ACSS1: variants seen among roughly 807,000 people sequenced by gnomAD.
ACSS1 encodes acetyl-coenzyme A synthetase 2-like, mitochondrial.
In ACSS1, 42 loss-of-function variants were observed where a neutral mutation model predicts 75.3. The ratio of observed to expected loss-of-function variants is 0.56; its 90% CI spans 0.44 to 0.72. The LOEUF is 0.72. Ranked by LOEUF, ACSS1 falls within the 30% of genes least tolerant of loss-of-function variation. The pLI, the probability that ACSS1 is intolerant of heterozygous loss-of-function variation, is 0.00. For synonymous variants in ACSS1, 380 were observed against 376.8 expected, an observed-to-expected ratio of 1.01 and a Z score of -0.10; for missense variants, 782 against 935.7, an observed-to-expected ratio of 0.84 and a Z score of 2.14.
At chr20:25,027,779 C>CAAAA (rs78414153) in intron 3 of ACSS1, among the ~76,000 whole-genome samples, 1 of 75,336 alleles carries the variant, frequency 1.3e-5, no homozygotes, top group African/African-American at 5.0e-5. Flanking sequence ...AGTGATCAGG[C>CAAAA]AAAAAAAAAA....
intron 7 of ACSS1, among the ~76,000 whole-genome samples, chr20:25,018,906 C>T (rs989609942): frequency 2.6e-5 from 4 of 152,208 alleles, no homozygotes; most frequent in African/African-American, 9.7e-5. Context: ...TCACATCTGA[C>T]CCTCTGTGGC....
intron 2 of ACSS1, among the ~76,000 whole-genome samples, chr20:25,040,160 A>T (rs936448246): frequency 6.6e-6 from 1 of 152,142 alleles, no homozygotes; most frequent in Non-Finnish European, 1.5e-5. Flanking sequence ...TTAAAAAAAA[A>T]ACCACAGGAG....
intron 5 of ACSS1, among the ~76,000 whole-genome samples, chr20:25,021,956 G>C (rs968573487): frequency 6.6e-6 from 1 of 152,158 alleles, no homozygotes; most frequent in Non-Finnish European, 1.5e-5. Flanking sequence ...AGGGACAACA[G>C]GCACAACCCA....
intron 2 of ACSS1, among the ~76,000 whole-genome samples, chr20:25,031,945 A>G (rs1377276701): frequency 6.6e-6 from 1 of 152,222 alleles, no homozygotes; most frequent in African/African-American, 2.4e-5. Context: ...CCCCAAGCCC[A>G]GATAGGGCGG....
intron 2 of ACSS1, chr20:25,032,591 C>T (rs1414377811): frequency 8.1e-6 from 10 of 1,240,886 alleles, no homozygotes; most frequent in Non-Finnish European, 1.0e-5. Context: ...ACCACCAGCC[C>T]GCGACCCCTG....
rs779217743 is a variant in ACSS1, at chr20:25,012,936, T to C, written c.1583A>G (p.Tyr528Cys). The part of the protein sequence containing the change: ...VDAYFKAYPG[Y>C]YFTGDGAYRT... ...GTAAGCCCCGTCTCCAGTGAAGTAA[T>C]AGCCTGCACCACAGCAGGGAAATTC... The change falls in exon 11 of 14, where the codon TAT becomes TGT. Residue 528 changes from tyrosine (Y) to cysteine (C), a missense_variant. Tyr to Cys is a radical substitution (Grantham distance 194, BLOSUM62 -2). Around this residue, in one of 2 missense-constraint regions of ACSS1, gnomAD observed 405 missense variants for 552.6 expected, o/e 0.73. Coordinates refer to ENST00000323482, the MANE Select transcript of ACSS1 (RefSeq NM_032501.4). 1.2e-6 allele frequency: 2 copies of C among 1,614,116 alleles called. No individual in the cohort carries two copies. The highest frequency in any genetic ancestry group is 2.2e-5 in the East Asian group (1 of 44,870).
At position 25,030,803 on chromosome 20, in the gene ACSS1, A is replaced by G; in HGVS notation, c.587T>C (p.Phe196Ser). 1 of 1,614,254 alleles carries G rather than the reference A, an allele frequency of 6.2e-7. No homozygotes were observed. Among genetic ancestry groups the G allele is most frequent in the Non-Finnish European group, 8.5e-7 (1 of 1,180,048 alleles). ...CAAGGACTCTGCACTGAAGCCAGCA[A>G]AGATGACTGTGTGGACAGCTCCGAT... ...ARIGAVHTVI[F>S]AGFSAESLAG... Residue 196 changes from phenylalanine (F) to serine (S), a missense_variant, in exon 3 of 14, where the codon TTT becomes TCT. Transcript: ENST00000323482.
intron 12 of ACSS1, chr20:25,012,167 C>T: frequency 4.0e-6 from 1 of 253,136 alleles, no homozygotes; most frequent in Non-Finnish European, 7.8e-6. Context: ...CCTGCACACT[C>T]CAGAGCACAC....
chr20:25,057,772 A>G lies in ACSS1; in HGVS notation c.331T>C (p.Ser111Pro), dbSNP rs773336026. The change falls in exon 1 of 14, where the codon TCT becomes CCT. Residue 111 changes from serine (S) to proline (P), a missense_variant. Ser to Pro is a moderately conservative substitution (Grantham distance 74). This residue lies in a region of ACSS1 where 377 missense variants were observed against 383.1 expected (regional missense o/e 0.98). Transcript: ENST00000323482. ...GWFLGGQLNVSVNCLDQHVRK... is the reference protein window; with the variant it reads ...GWFLGGQLNVPVNCLDQHVRK... The stretch of plus-strand genomic sequence containing the variant: ...GGGTCTCCCGAAGCCCACTCACCAG[A>G]GACATTTAACTGGCCTCCCAGGAAC... 6.3e-7 allele frequency: 1 copy of G among 1,575,040 alleles called. No individual in the cohort carries two copies. The highest frequency in any genetic ancestry group is 2.4e-5 in the East Asian group (1 of 42,492).
chr20:25,039,062 G>A (rs1410422838), intron 2 of ACSS1, among the ~76,000 whole-genome samples: 1 of 152,118 alleles, frequency 6.6e-6, no homozygotes, highest in East Asian at 1.9e-4. Context: ...AACAAGGACA[G>A]AACAGCTATC....
At chr20:25,049,573 C>T (rs954182178) in intron 1 of ACSS1, among the ~76,000 whole-genome samples, 3 of 152,108 alleles carry the variant, frequency 2.0e-5, no homozygotes, top group South Asian at 2.1e-4. Context: ...AGGCCGGTGG[C>T]GGCAGGCTCA....
rs779374722 is a variant in ACSS1, at chr20:25,057,763, A to T, written c.334+6T>A. ...GGGCGTCCTGGGTCTCCCGAAGCCC[A>T]CTCACCAGAGACATTTAACTGGCCT... On this transcript the variant is annotated splice_donor_region_variant and intron_variant, in intron 1 of 13. Transcript: ENST00000323482. 5.2e-6 allele frequency: 8 copies of T among 1,553,052 alleles called. No individual in the cohort carries two copies. The highest frequency in any genetic ancestry group is 7.0e-6 in the Non-Finnish European group (8 of 1,139,070).
intron 12 of ACSS1, chr20:25,010,619 G>GCT (rs1303173319): frequency 1.3e-5 from 2 of 152,324 alleles, no homozygotes; most frequent in Non-Finnish European, 1.5e-5. Flanking sequence ...TGTGGGAACA[G>GCT]CTGTCAGTCC....
At chr20:25,055,279 C>G (rs2089226326) in intron 1 of ACSS1, among the ~76,000 whole-genome samples, 1 of 152,158 alleles carries the variant, frequency 6.6e-6, no homozygotes, top group African/African-American at 2.4e-5. Flanking sequence ...TGATGTACAT[C>G]AATAGTAACT....
At chr20:25,020,992 G>T (rs1389044448) in intron 6 of ACSS1, among the ~76,000 whole-genome samples, 2 of 152,264 alleles carry the variant, frequency 1.3e-5, no homozygotes, top group Non-Finnish European at 2.9e-5. Context: ...TTGAGGGACA[G>T]CCCTGAAGGC....
intron 1 of ACSS1, among the ~76,000 whole-genome samples, chr20:25,054,459 G>A (rs924738196): frequency 1.3e-5 from 2 of 152,260 alleles, no homozygotes; most frequent in Admixed American, 6.5e-5. Context: ...GCCCTGGGAT[G>A]GGTGTGCTGA....
chr20:25,057,661 A>T lies in ACSS1; in HGVS notation c.334+108T>A, dbSNP rs2089262321. On this transcript the variant is annotated intron_variant, in intron 1 of 13. Transcript: ENST00000323482. ...GGAATACCGGAGGAGGGGCCCCTGC[A>T]GGGCTGCGATCCGCGCTGCCCGGGG... The T allele has an allele frequency of 6.2e-6, 7 of 1,132,192 alleles. No homozygotes were observed. In the Admixed American group the frequency reaches 1.9e-4, roughly 31 times the overall value. 70.1% of individuals were successfully genotyped at this position (1,132,192 alleles called of 1,614,324 possible). A position where few individuals can be genotyped will look rare whatever the true frequency, so the allele number is the denominator to read the frequency against.
rs147945042 is a variant in ACSS1 at position 25,051,546 on chromosome 20, C to T, written c.335-3365G>A. ...AGCTGCAGCCAGTGTGCCCCGTCCC[C>T]GTTCTGGGCATCTGCATTTCTAACA... is the stretch of plus-strand genomic sequence containing the variant. On this transcript the variant is annotated intron_variant, in intron 1 of 13. Coordinates refer to ENST00000323482, the MANE Select transcript of ACSS1 (RefSeq NM_032501.4). Among the ~76,000 whole-genome samples, 16 of 152,334 alleles carry T rather than the reference C, an allele frequency of 1.1e-4. 1 individual carries two copies. In the Middle Eastern group the frequency reaches 0.024, roughly 227 times the overall value.
intron 2 of ACSS1, among the ~76,000 whole-genome samples, chr20:25,043,432 G>C (rs758746949): frequency 6.6e-6 from 1 of 152,170 alleles, no homozygotes; most frequent in Non-Finnish European, 1.5e-5. Flanking sequence ...TAGGGTGAAC[G>C]GCCAGGCCCT....
Sources: allele counts gnomAD v4.1 joint callset (sites outside exome capture counted in the v4.1 genomes callset), GRCh38; gene constraint gnomAD v4.1.1; regional missense constraint gnomAD v4.1.1; transcripts MANE v1.5; gene names NCBI Gene and HGNC (gene_info 2026-07-23, HGNC 2026-07-21).